Variants in ZNF521 observed in about 807,000 individuals in gnomAD.
ZNF521 encodes the protein LYST-interacting protein 3.
In ZNF521, 14 loss-of-function variants were observed where a neutral mutation model predicts 105.5. That is an observed-to-expected ratio of 0.13 (90% CI 0.09 to 0.21). The LOEUF (loss-of-function observed/expected upper bound fraction) is 0.21. ZNF521 is among the 10% of genes least tolerant of loss of function. The pLI, the probability that ZNF521 is intolerant of heterozygous loss-of-function variation, is 1.00. For missense variants in ZNF521, 1,233 were observed against 1,629.7 expected, an observed-to-expected ratio of 0.76 and a Z score of 4.19; for synonymous variants, 635 against 606.0, an observed-to-expected ratio of 1.05 and a Z score of -0.70.
intron 5 of ZNF521, among the ~76,000 whole-genome samples, chr18:25,116,933 AC>A (rs1346780463): frequency 9.3e-4 from 133 of 142,526 alleles, no homozygotes; most frequent in Non-Finnish European, 1.6e-3. Context: ...GTATATATAT[AC>A]GTATATATAC....
At chr18:25,311,827 C>A (rs759522368) in intron 3 of ZNF521, among the ~76,000 whole-genome samples, 17 of 152,160 alleles carry the variant, frequency 1.1e-4, no homozygotes, top group Non-Finnish European at 1.9e-4. Context: ...TAAGGCAAAA[C>A]AATTTACAGA....
At chr18:25,129,400 G>C (rs2034599043) in intron 5 of ZNF521, among the ~76,000 whole-genome samples, 1 of 151,514 alleles carries the variant, frequency 6.6e-6, no homozygotes, top group Non-Finnish European at 1.5e-5. Context: ...AAGACAACAG[G>C]AAAATCTAGG....
chr18:25,146,413 T>C (rs564150825), intron 5 of ZNF521, among the ~76,000 whole-genome samples: 47 of 152,224 alleles, frequency 3.1e-4, no homozygotes, highest in South Asian at 2.7e-3. Context: ...AGGTGTCCTT[T>C]GGGGCTAGGA....
intron 5 of ZNF521, among the ~76,000 whole-genome samples, chr18:25,121,273 CTTTTT>C (rs55714696): frequency 7.9e-6 from 1 of 126,222 alleles, no homozygotes; most frequent in Non-Finnish European, 1.6e-5. Flanking sequence ...CTTCTTCTTC[CTTTTT>C]TTTTTTTTTT....
At chr18:25,328,235 T>C (rs1303005694) in intron 2 of ZNF521, among the ~76,000 whole-genome samples, 1 of 152,198 alleles carries the variant, frequency 6.6e-6, no homozygotes, top group Non-Finnish European at 1.5e-5. Flanking sequence ...GTGGTTTTGC[T>C]TGATTGTTCT....
At chr18:25,063,252 A>G (rs1197041901) in intron 7 of ZNF521, among the ~76,000 whole-genome samples, 2 of 152,182 alleles carry the variant, frequency 1.3e-5, no homozygotes, top group African/African-American at 2.4e-5. Context: ...CATCTTGACA[A>G]CAGGGGCTCT....
At position 25,301,291 on chromosome 18, in the gene ZNF521, G is replaced by A. The variant is rs566282951; in HGVS notation, c.220+20717C>T. 2.2e-3 allele frequency among the ~76,000 whole-genome samples: 338 copies of A among 152,262 alleles called. 3 individuals carry two copies. The highest frequency in any genetic ancestry group is 7.4e-3 in the African/African-American group (308 of 41,544). On this transcript the variant is annotated intron_variant, in intron 3 of 7. Coordinates refer to ENST00000361524, the MANE Select transcript of ZNF521 (RefSeq NM_015461.3). The stretch of plus-strand genomic sequence containing the variant: ...TAACAACTAAAGACAGGAAGCTTCT[G>A]AGAATGAGCCTCCTGCCCTCTGTAC...
chr18:25,227,199 CAGT>C lies in ZNF521; in HGVS notation c.716_718del (p.Asp239_Trp240delinsGly). ...GCACTTCTGAGTGTCCTTCATCTTC[CAGT>C]CCTCCATCCTGGAACCGGACTGAGA... On this transcript the variant is annotated inframe_deletion, in exon 4 of 8. Transcript: ENST00000361524. This position sits in a 1 kb window ranked among gnomAD's most constrained non-coding sequence, Gnocchi z 5.7. 6.2e-7 allele frequency: 1 copy of C among 1,614,150 alleles called. No individual in the cohort carries two copies. Among genetic ancestry groups the C allele is most frequent in the Non-Finnish European group, 8.5e-7 (1 of 1,180,018 alleles).
At chr18:25,172,929 T>A (rs1189373294) in intron 5 of ZNF521, among the ~76,000 whole-genome samples, 2 of 152,310 alleles carry the variant, frequency 1.3e-5, no homozygotes, top group East Asian at 3.9e-4. Context: ...TAGGCAGATA[T>A]CATGTTAAAG....
chr18:25,274,259 A>T (rs11083115), intron 3 of ZNF521, among the ~76,000 whole-genome samples: 44,864 of 151,948 alleles, frequency 0.3, 6,819 homozygotes, highest in South Asian at 0.39. Flanking sequence ...TTTCCCCAAC[A>T]TGGTCAGTAG....
chr18:25,125,429 C>T (rs1057100139), intron 5 of ZNF521, among the ~76,000 whole-genome samples: 5 of 152,108 alleles, frequency 3.3e-5, no homozygotes, highest in African/African-American at 1.2e-4. Context: ...GATATCAAGA[C>T]ATACCTCATG....
At chr18:25,176,974 CCCTTCT>C (rs1302222286) in intron 5 of ZNF521, among the ~76,000 whole-genome samples, 1 of 152,212 alleles carries the variant, frequency 6.6e-6, no homozygotes, top group Non-Finnish European at 1.5e-5. Flanking sequence ...CTTACCAGCC[CCCTTCT>C]CCTTCTGCCT....
chr18:25,320,534 T>A (rs1479672063), intron 3 of ZNF521, among the ~76,000 whole-genome samples: 1 of 152,058 alleles, frequency 6.6e-6, no homozygotes, highest in Non-Finnish European at 1.5e-5. Context: ...AGATTTGTTC[T>A]TCAGAAATAC....
At chr18:25,261,466 G>A (rs533400533) in intron 3 of ZNF521, among the ~76,000 whole-genome samples, 17 of 152,110 alleles carry the variant, frequency 1.1e-4, no homozygotes, top group African/African-American at 1.4e-4. Flanking sequence ...TTGTCTACTC[G>A]GTGAATGAGT....
intron 3 of ZNF521, among the ~76,000 whole-genome samples, chr18:25,304,817 G>C (rs1161846136): frequency 2.0e-5 from 3 of 152,110 alleles, no homozygotes; most frequent in Non-Finnish European, 2.9e-5. Context: ...GGTATATAAT[G>C]ATATACTGCC....
chr18:25,074,002 T>C (rs935097100), intron 7 of ZNF521, among the ~76,000 whole-genome samples: 1 of 152,094 alleles, frequency 6.6e-6, no homozygotes. Context: ...CTGTGTTAAG[T>C]ATGAGCCACC....
At chr18:25,151,648 C>T (rs986822837) in intron 5 of ZNF521, among the ~76,000 whole-genome samples, 2 of 152,148 alleles carry the variant, frequency 1.3e-5, no homozygotes, top group African/African-American at 4.8e-5. Flanking sequence ...GCACCCCACT[C>T]CCTTAGGGCT....
At chr18:25,204,964 T>G (rs1234294753) in intron 4 of ZNF521, among the ~76,000 whole-genome samples, 9 of 152,090 alleles carry the variant, frequency 5.9e-5, no homozygotes, top group Non-Finnish European at 1.5e-5. Context: ...TTTTGTTTAC[T>G]GACTGTTGAA....
intron 5 of ZNF521, among the ~76,000 whole-genome samples, chr18:25,131,548 A>G (rs1195626661): frequency 1.3e-5 from 2 of 152,092 alleles, no homozygotes; most frequent in African/African-American, 4.8e-5. Flanking sequence ...TCCTAAGACA[A>G]ATATCTATCA....
Sources: allele counts gnomAD v4.1 joint callset (sites outside exome capture counted in the v4.1 genomes callset), GRCh38; gene constraint gnomAD v4.1.1; non-coding constraint Gnocchi (gnomAD v3.1); transcripts MANE v1.5; gene names NCBI Gene and HGNC (gene_info 2026-07-23, HGNC 2026-07-21).